Variants in TJP1 observed in about 807,000 individuals in gnomAD.
TJP1 encodes the protein tight junction protein 1.
A neutral mutation model predicts 194.2 loss-of-function variants in TJP1; 43 were observed. That is an observed-to-expected ratio of 0.22 (90% CI 0.17 to 0.29). TJP1 has a LOEUF of 0.29. Ranked by LOEUF, TJP1 falls within the 10% of genes least tolerant of loss-of-function variation. TJP1 has a pLI of 1.00. For missense variants in TJP1, 1,971 were observed against 2,185.7 expected (o/e 0.90, Z 1.96); for synonymous variants, 801 against 779.0 (o/e 1.03, Z -0.47).
chr15:29,775,710 A>G (rs573589528), intron 2 of TJP1, among the ~76,000 whole-genome samples: 2 of 152,212 alleles, frequency 1.3e-5, no homozygotes, highest in Non-Finnish European at 2.9e-5. Flanking sequence ...AAAAATAAAC[A>G]ATTAGAGACA....
chr15:29,968,508 C>T (rs2056408579), intron 1 of TJP1, among the ~76,000 whole-genome samples: 1 of 150,202 alleles, frequency 6.7e-6, no homozygotes, highest in South Asian at 2.1e-4. Context: ...GCCTTGGCTG[C>T]TGCGCCCCGC....
At chr15:29,933,547 T>C (rs755530799) in intron 2 of TJP1, among the ~76,000 whole-genome samples, 3 of 152,050 alleles carry the variant, frequency 2.0e-5, no homozygotes, top group Non-Finnish European at 2.9e-5. Context: ...TATTTAACAA[T>C]TGAGAGAGAC....
chr15:29,805,639 A>C (rs1266119243), intron 1 of TJP1, among the ~76,000 whole-genome samples: 1 of 150,808 alleles, frequency 6.6e-6, no homozygotes, highest in Non-Finnish European at 1.5e-5. Flanking sequence ...GCAGCTGAGA[A>C]CACTAAATGG....
intron 2 of TJP1, among the ~76,000 whole-genome samples, chr15:29,902,949 G>T (rs1449391043): frequency 6.6e-6 from 1 of 151,986 alleles, no homozygotes; most frequent in East Asian, 1.9e-4. Context: ...CAGGAGAATC[G>T]CTTGAACCTG....
At chr15:29,824,447 T>TCAG, upstream of TJP1, among the ~76,000 whole-genome samples, 1 of 147,586 alleles carries the variant, frequency 6.8e-6, no homozygotes, top group South Asian at 2.2e-4. Flanking sequence ...CCGTCTCAAA[T>TCAG]CATCATCATC....
intron 2 of TJP1, among the ~76,000 whole-genome samples, chr15:29,775,942 G>A (rs896183752): frequency 7.2e-5 from 11 of 152,100 alleles, no homozygotes; most frequent in African/African-American, 2.4e-4. Context: ...TGATTTCCCA[G>A]AGAAATTGTG....
At chr15:29,772,294 G>T in intron 3 of TJP1, 128 bp from the exon 4 acceptor site, 1 of 557,914 alleles carries the variant, frequency 1.8e-6, no homozygotes, top group Non-Finnish European at 3.1e-6. Flanking sequence ...TTTCTCTTCA[G>T]ATCAATGATA....
chr15:29,726,217 TTTCA>T (rs1343832166), intron 18 of TJP1, among the ~76,000 whole-genome samples, 158 bp downstream of exon 18: 1 of 152,258 alleles, frequency 6.6e-6, no homozygotes, highest in East Asian at 1.9e-4. Flanking sequence ...CAGAAACAAC[TTTCA>T]TAACCCCTAC....
chr15:29,955,827 C>T (rs2055920972), intron 2 of TJP1, among the ~76,000 whole-genome samples: 1 of 137,354 alleles, frequency 7.3e-6, no homozygotes, highest in Non-Finnish European at 1.5e-5. Context: ...GGGATCCGTA[C>T]TAATAATATC....
chr15:29,821,203 T>C (rs2050315765), intron 1 of TJP1, among the ~76,000 whole-genome samples: 1 of 152,170 alleles, frequency 6.6e-6, no homozygotes, highest in Non-Finnish European at 1.5e-5. Context: ...AATACACAAG[T>C]TAGTTTCAAA....
chr15:29,966,566 C>A (rs2056340066), intron 1 of TJP1, among the ~76,000 whole-genome samples: 1 of 151,618 alleles, frequency 6.6e-6, no homozygotes, highest in Non-Finnish European at 1.5e-5. Context: ...AACAGATTTC[C>A]TAACATATTA....
At chr15:29,800,076 C>T (rs892839984) in intron 2 of TJP1, among the ~76,000 whole-genome samples, 1 of 152,144 alleles carries the variant, frequency 6.6e-6, no homozygotes, top group Non-Finnish European at 1.5e-5. Context: ...TGAATCACTT[C>T]CCCATTTCTA....
intron 2 of TJP1, among the ~76,000 whole-genome samples, chr15:29,790,206 T>C (rs2047982683): frequency 6.6e-6 from 1 of 152,214 alleles, no homozygotes; most frequent in Admixed American, 6.5e-5. Context: ...GCTCTTTATA[T>C]AAATACTTTG....
rs45475400 is a variant in TJP1, at chr15:29,761,119, A to T, written c.1010+20T>A. 1.7e-3 allele frequency: 2,622 copies of T among 1,558,848 alleles called. 31 individuals are homozygous for T. In the African/African-American group the frequency reaches 0.027, roughly 16 times the overall value. On this transcript the variant is annotated intron_variant, in intron 8 of 27. Coordinates refer to ENST00000614355, the MANE Select transcript of TJP1 (RefSeq NM_001330239.4). ...AGCAAACAAAACCCCTGTATTTTTT[A>T]AAAAAATAGGGTGTCTTACCTGCCA...
intron 1 of TJP1, among the ~76,000 whole-genome samples, chr15:29,961,264 G>A (rs2056145689): frequency 6.6e-6 from 1 of 150,988 alleles, no homozygotes; most frequent in African/African-American, 2.4e-5. Context: ...TTATGACAGG[G>A]AAATAAAGTT....
intron 8 of TJP1, among the ~76,000 whole-genome samples, chr15:29,751,759 T>C (rs991605860): frequency 6.6e-6 from 1 of 152,186 alleles, no homozygotes; most frequent in Non-Finnish European, 1.5e-5. Context: ...AAACAGAAAA[T>C]TGTCTCACAT....
chr15:29,949,997 ACCACCT>A (rs2055617039), intron 2 of TJP1, among the ~76,000 whole-genome samples: 1 of 16,556 alleles, frequency 6.0e-5, no homozygotes, highest in Non-Finnish European at 8.8e-5. Context: ...CTCCACCACC[ACCACCT>A]CCACAACCAC....
At chr15:29,791,178 C>A (rs879302915) in intron 2 of TJP1, among the ~76,000 whole-genome samples, 10 of 151,638 alleles carry the variant, frequency 6.6e-5, no homozygotes, top group Admixed American at 5.9e-4. Context: ...AGGTGCACAC[C>A]ACCACATTTG....
At position 29,918,863 on chromosome 15, in the gene TJP1, T is replaced by C. The variant is rs147477865; in HGVS notation, c.306+37369A>G. On this transcript the variant is annotated intron_variant, in intron 2 of 28. Coordinates refer to the TJP1 transcript ENST00000356107. ...GAGAAAAGATAATAATCAATGAAGA[T>C]GGTCCAACAGCAAATTTATAGGATT... Among the ~76,000 whole-genome samples the C allele has an allele frequency of 3.2e-4, 48 of 152,222 alleles. No homozygotes were observed. The East Asian group carries it at 6.0e-3, about 19-fold the overall frequency.
Sources: allele counts gnomAD v4.1 joint callset (sites outside exome capture counted in the v4.1 genomes callset), GRCh38; gene constraint gnomAD v4.1.1; transcripts MANE v1.5; gene names NCBI Gene and HGNC (gene_info 2026-07-23, HGNC 2026-07-21).